Variants in SHCBP1L observed in about 807,000 individuals in gnomAD.
SHCBP1L encodes the protein SHC binding and spindle associated 1 like, also known as testicular spindle-associated protein SHCBP1L.
A neutral mutation model predicts 62.5 loss-of-function variants in SHCBP1L; 67 were observed. The ratio of observed to expected loss-of-function variants is 1.07; its 90% CI spans 0.88 to 1.31. The LOEUF (loss-of-function observed/expected upper bound fraction) is 1.31. Among genes scored for constraint, SHCBP1L ranks in the 40% most tolerant of loss-of-function variants. The pLI is 0.00. For missense variants in SHCBP1L, 823 were observed against 809.8 expected, an observed-to-expected ratio of 1.02 and a Z score of -0.20; for synonymous variants, 284 against 289.4, an observed-to-expected ratio of 0.98 and a Z score of 0.19.
intron 9 of SHCBP1L, among the ~76,000 whole-genome samples, chr1:182,901,444 C>A (rs977094698): frequency 3.3e-5 from 5 of 151,832 alleles, no homozygotes; most frequent in African/African-American, 1.2e-4. Flanking sequence ...GCAACAAGAG[C>A]AAAACTCCAT....
At chr1:182,932,253 A>G (rs1651030090) in intron 5 of SHCBP1L, among the ~76,000 whole-genome samples, 1 of 152,010 alleles carries the variant, frequency 6.6e-6, no homozygotes, top group Non-Finnish European at 1.5e-5. Context: ...AACTGCTATA[A>G]ACAACCATGT....
chr1:182,913,155 A>C (rs562214051), intron 6 of SHCBP1L, among the ~76,000 whole-genome samples: 1 of 151,988 alleles, frequency 6.6e-6, no homozygotes, highest in Admixed American at 6.6e-5. Context: ...TTAATTAATT[A>C]AATTAACTGG....
chr1:182,929,042 AAG>A (rs998048149), intron 6 of SHCBP1L, among the ~76,000 whole-genome samples: 1 of 152,190 alleles, frequency 6.6e-6, no homozygotes, highest in African/African-American at 2.4e-5. Flanking sequence ...AAAACAAGGA[AAG>A]AGATTATTTC....
chr1:182,904,185 C>T lies in SHCBP1L; in HGVS notation c.1582G>A (p.Ala528Thr), dbSNP rs372931332. Residue 528 changes from alanine (A) to threonine (T), a missense_variant, in exon 8 of 10, where the codon GCC becomes ACC. By Grantham distance (58) the Ala-to-Thr change is moderately conservative. Coordinates refer to ENST00000367547, the MANE Select transcript of SHCBP1L (RefSeq NM_030933.4). Reference sequence around the variant, plus strand: ...CTTTTTAAAGAATGAAATACCTGGGCGCCAGTTATTTCACTGTCTGTAATT... The same window carrying T: ...CTTTTTAAAGAATGAAATACCTGGGTGCCAGTTATTTCACTGTCTGTAATT... The part of the protein sequence containing the change: ...LTITDSEITG[A>T]QGAGVELYPG... The T allele has an allele frequency of 1.5e-5, 24 of 1,613,608 alleles. No individual in the cohort carries two copies. The highest frequency in any genetic ancestry group is 6.7e-5 in the Admixed American group (4 of 59,930).
At chr1:182,912,413 A>G (rs994953362) in intron 6 of SHCBP1L, among the ~76,000 whole-genome samples, 2 of 152,288 alleles carry the variant, frequency 1.3e-5, no homozygotes, top group East Asian at 3.9e-4. Flanking sequence ...CAGAAAGCTG[A>G]CCTCATAACA....
intron 6 of SHCBP1L, among the ~76,000 whole-genome samples, chr1:182,921,603 G>A (rs1394946288): frequency 1.3e-5 from 2 of 152,196 alleles, no homozygotes; most frequent in African/African-American, 2.4e-5. Context: ...ACTCTATGCT[G>A]TCTTCAAGAA....
rs1432725418 is a variant in SHCBP1L, at chr1:182,939,220, G to C, written c.1032C>G (p.Val344=). ...ACATTTTCAGTAATCCACAGAGCATGACTATCTCATAGTATTTTTTCCAGC... is the reference window on the plus strand; with the variant it reads ...ACATTTTCAGTAATCCACAGAGCATCACTATCTCATAGTATTTTTTCCAGC... ...VECWKKYYEI[V]MLCGLLKMWE... Residue 344 remains valine (V), a synonymous_variant, in exon 5 of 10, where the codon GTC becomes GTG. Transcript: ENST00000367547. The C allele has an allele frequency of 6.2e-7, 1 of 1,613,892 alleles. No individual in the cohort carries two copies. The highest frequency in any genetic ancestry group is 1.1e-5 in the South Asian group (1 of 91,048).
At chr1:182,913,256 A>T (rs1014185195) in intron 6 of SHCBP1L, among the ~76,000 whole-genome samples, 1 of 152,238 alleles carries the variant, frequency 6.6e-6, no homozygotes, top group Non-Finnish European at 1.5e-5. Context: ...ACTTGAAGTC[A>T]GTCAGTCAGA....
intron 2 of SHCBP1L, among the ~76,000 whole-genome samples, chr1:182,944,095 T>A (rs1360864641): frequency 1.5e-5 from 2 of 129,680 alleles, no homozygotes; most frequent in Admixed American, 8.3e-5. Context: ...CACTCCAGCC[T>A]GGGCAACAGA....
intron 6 of SHCBP1L, among the ~76,000 whole-genome samples, chr1:182,918,171 C>CATATATACACATATATACACAT (rs1650416217): frequency 7.2e-6 from 1 of 139,042 alleles, no homozygotes; most frequent in African/African-American, 2.8e-5. Context: ...TATATACACA[C>CATATATACACATATATACACAT]ATATATACAT....
chr1:182,924,704 G>GGAAGAAAA (rs1650629527), intron 6 of SHCBP1L, among the ~76,000 whole-genome samples: 2 of 27,492 alleles, frequency 7.3e-5, no homozygotes, highest in Non-Finnish European at 1.2e-4. Flanking sequence ...AGGAAAGGAA[G>GGAAGAAAA]AAAGAAAGAA....
At chr1:182,903,228 G>T (rs1250914776) in intron 8 of SHCBP1L, 67 bp from the exon 9 acceptor site, 3 of 1,360,074 alleles carry the variant, frequency 2.2e-6, no homozygotes, top group Non-Finnish European at 2.9e-6. Flanking sequence ...AAAATCTTTA[G>T]ACTTGAAAAT....
At chr1:182,922,967 T>C (rs1426366442) in intron 6 of SHCBP1L, among the ~76,000 whole-genome samples, 1 of 152,096 alleles carries the variant, frequency 6.6e-6, no homozygotes, top group Non-Finnish European at 1.5e-5. Context: ...CTTTGTTTTT[T>C]GAAAGAATAA....
intron 2 of SHCBP1L, among the ~76,000 whole-genome samples, chr1:182,943,837 A>G (rs1651459066): frequency 6.7e-6 from 1 of 149,856 alleles, no homozygotes; most frequent in Admixed American, 6.7e-5. Context: ...AATAGAGTTC[A>G]GGCTGGGTGC....
At chr1:182,952,322 G>T (rs374111916) in intron 1 of SHCBP1L, among the ~76,000 whole-genome samples, 1 of 144,942 alleles carries the variant, frequency 6.9e-6, no homozygotes, top group South Asian at 2.2e-4. Context: ...TGAGTGGGAA[G>T]TACCCTTAAA....
chr1:182,922,823 C>T (rs1018382807), intron 6 of SHCBP1L, among the ~76,000 whole-genome samples: 15 of 152,042 alleles, frequency 9.9e-5, no homozygotes, highest in African/African-American at 3.1e-4. Flanking sequence ...AATTGACAAC[C>T]TAACATCACA....
In SHCBP1L at chr1:182,951,483, A is replaced by C. The variant is rs756217777; in HGVS notation, c.406-16T>G. The C allele has an allele frequency of 1.3e-6, 2 of 1,521,306 alleles. No homozygotes were observed. Among genetic ancestry groups the C allele is most frequent in the East Asian group, 4.6e-5 (2 of 43,840 alleles). The allele number at this position is 1,521,306 out of a possible 1,614,324, so 94.2% of individuals were successfully genotyped here. On this transcript the variant is annotated splice_polypyrimidine_tract_variant and intron_variant, in intron 1 of 9. Coordinates refer to ENST00000367547, the MANE Select transcript of SHCBP1L (RefSeq NM_030933.4). ...CATCTTCTGCCTAACAAGAGAAAAA[A>C]TGGATCTACATATAAATATATGAAA... is the stretch of plus-strand genomic sequence containing the variant.
At chr1:182,920,805 G>T (rs1003994559) in intron 6 of SHCBP1L, among the ~76,000 whole-genome samples, 1 of 152,124 alleles carries the variant, frequency 6.6e-6, no homozygotes, top group Non-Finnish European at 1.5e-5. Context: ...GAATCTCAGA[G>T]CTTGAAGACT....
At chr1:182,947,199 G>A (rs925821865) in intron 2 of SHCBP1L, among the ~76,000 whole-genome samples, 1 of 148,436 alleles carries the variant, frequency 6.7e-6, no homozygotes, top group Admixed American at 6.7e-5. Flanking sequence ...ATCGCGCCAT[G>A]GTACTCCAGC....
Sources: gnomAD v4.1 joint callset for allele counts (sites outside exome capture counted in the v4.1 genomes callset) on GRCh38, gnomAD v4.1.1 for gene constraint, MANE v1.5 for transcripts, NCBI Gene and HGNC (gene_info 2026-07-23, HGNC 2026-07-21) for gene names.